Variants in LY86 observed in about 807,000 individuals in gnomAD.
LY86 encodes the protein MD-1, RP105-associated.
LY86 carries 20 observed loss-of-function variants against 17.3 expected under a neutral mutation model. The observed-to-expected ratio is 1.15, with a 90% confidence interval of 0.81 to 1.68. The LOEUF (loss-of-function observed/expected upper bound fraction) is 1.68. Ranked by LOEUF, LY86 falls within the 40% of genes most tolerant of loss-of-function variation. The pLI, the probability that LY86 is intolerant of heterozygous loss-of-function variation, is 0.00. For synonymous variants in LY86, 74 were observed against 70.6 expected, an observed-to-expected ratio of 1.05 and a Z score of -0.24; for missense variants, 200 against 191.9, an observed-to-expected ratio of 1.04 and a Z score of -0.25.
At chr6:6,608,458 T>C (rs1435594883) in intron 1 of LY86, among the ~76,000 whole-genome samples, 1 of 152,258 alleles carries the variant, frequency 6.6e-6, no homozygotes, top group Non-Finnish European at 1.5e-5. Flanking sequence ...TTTAGGTTGT[T>C]TCCACTTTTT....
chr6:6,600,843 G>A (rs1760885766), intron 1 of LY86, among the ~76,000 whole-genome samples: 1 of 152,146 alleles, frequency 6.6e-6, no homozygotes. Context: ...GAAGCATGAG[G>A]AGCCTCAAGT....
At chr6:6,605,974 G>C (rs1427397744) in intron 1 of LY86, among the ~76,000 whole-genome samples, 1 of 152,188 alleles carries the variant, frequency 6.6e-6, no homozygotes, top group Admixed American at 6.5e-5. Context: ...GACCCAAAGA[G>C]CGACCACCAG....
intron 1 of LY86, among the ~76,000 whole-genome samples, chr6:6,603,353 A>G (rs1760973487): frequency 1.1e-5 from 1 of 88,604 alleles, no homozygotes; most frequent in African/African-American, 4.5e-5. Flanking sequence ...GGCAAAAGAG[A>G]AACCAAGACA....
At chr6:6,649,827 A>G (rs1477380928) in intron 4 of LY86, 150 bp downstream of exon 4, 2 of 623,400 alleles carry the variant, frequency 3.2e-6, no homozygotes, top group Non-Finnish European at 5.6e-6. Flanking sequence ...CCCTGCAAAA[A>G]CCCTTTCTTA....
intron 1 of LY86, among the ~76,000 whole-genome samples, chr6:6,611,772 G>T (rs1279284758): frequency 6.6e-6 from 1 of 150,920 alleles, no homozygotes; most frequent in African/African-American, 2.4e-5. Flanking sequence ...CTAGCACAGT[G>T]CCTATCAAAC....
At chr6:6,643,152 T>C (rs959099857) in intron 3 of LY86, among the ~76,000 whole-genome samples, 2 of 152,264 alleles carry the variant, frequency 1.3e-5, no homozygotes, top group African/African-American at 4.8e-5. Context: ...ATGGAAGTTC[T>C]ATTTTTAATT....
chr6:6,633,272 C>T (rs969967186), intron 3 of LY86, among the ~76,000 whole-genome samples: 11 of 151,882 alleles, frequency 7.2e-5, no homozygotes, highest in Admixed American at 6.6e-4. Context: ...TGTGTAGGGC[C>T]GTGGAGACGT....
chr6:6,605,836 G>T (rs1561779698), intron 1 of LY86, among the ~76,000 whole-genome samples: 1 of 152,056 alleles, frequency 6.6e-6, no homozygotes, highest in South Asian at 2.1e-4. Flanking sequence ...CTTTCCCGGT[G>T]AATGTTACAG....
At chr6:6,625,668 A>G (rs1761772505) in intron 2 of LY86, among the ~76,000 whole-genome samples, 1 of 152,246 alleles carries the variant, frequency 6.6e-6, no homozygotes, top group Non-Finnish European at 1.5e-5. Flanking sequence ...AATGGAGGGA[A>G]CATTCATAGA....
intron 1 of LY86, among the ~76,000 whole-genome samples, chr6:6,592,227 C>T (rs1487711940): frequency 1.3e-5 from 2 of 152,140 alleles, no homozygotes; most frequent in Non-Finnish European, 1.5e-5. Context: ...AGGAAGTAAG[C>T]AGTTTTCTGA....
At chr6:6,600,671 T>G (rs1305419144) in intron 1 of LY86, among the ~76,000 whole-genome samples, 2 of 149,876 alleles carry the variant, frequency 1.3e-5, no homozygotes, top group Non-Finnish European at 3.0e-5. Context: ...CCCCAAAGCT[T>G]GAGGCCAGGG....
intron 1 of LY86, among the ~76,000 whole-genome samples, chr6:6,601,070 G>A (rs1351092320): frequency 6.6e-6 from 1 of 152,194 alleles, no homozygotes; most frequent in Non-Finnish European, 1.5e-5. Flanking sequence ...AGCAGCGGCT[G>A]ATCAGAGTAC....
At chr6:6,606,025 G>C (rs537451845) in intron 1 of LY86, among the ~76,000 whole-genome samples, 2 of 152,190 alleles carry the variant, frequency 1.3e-5, no homozygotes, top group South Asian at 2.1e-4. Flanking sequence ...AACTTCCACA[G>C]CACGTAATAC....
At chr6:6,614,775 A>G (rs7748122) in intron 1 of LY86, among the ~76,000 whole-genome samples, 92,149 of 151,914 alleles carry the variant, frequency 0.61, 28,178 homozygotes, top group East Asian at 0.79. Flanking sequence ...GGCTGTTGCA[A>G]GAATCCTACC....
intron 3 of LY86, among the ~76,000 whole-genome samples, chr6:6,644,190 G>A (rs1250794987): frequency 2.0e-5 from 3 of 152,248 alleles, no homozygotes; most frequent in Non-Finnish European, 2.9e-5. Context: ...TCAGCAGGCT[G>A]CATCTGCGCT....
intron 3 of LY86, among the ~76,000 whole-genome samples, chr6:6,636,879 T>C (rs1761966352): frequency 7.7e-6 from 1 of 129,724 alleles, no homozygotes; most frequent in Admixed American, 8.5e-5. Context: ...GCCGAACTCC[T>C]ACCCTCGAAC....
At chr6:6,638,050 T>C (rs536026369) in intron 3 of LY86, among the ~76,000 whole-genome samples, 14 of 152,332 alleles carry the variant, frequency 9.2e-5, no homozygotes, top group African/African-American at 2.6e-4. Flanking sequence ...AGAATGCCAC[T>C]GAAAAAGTCA....
chr6:6,647,761 T>C (rs1762125767), intron 3 of LY86, among the ~76,000 whole-genome samples: 1 of 152,218 alleles, frequency 6.6e-6, no homozygotes, highest in Admixed American at 6.5e-5. Context: ...CAGGAGGTCC[T>C]GTCCTCTCCT....
chr6:6,592,309 C>G (rs1760554851), intron 1 of LY86, among the ~76,000 whole-genome samples: 1 of 152,148 alleles, frequency 6.6e-6, no homozygotes, highest in East Asian at 1.9e-4. Flanking sequence ...TTTACTAAAG[C>G]AAAAGGAGGA....
Sources: allele counts gnomAD v4.1 joint callset (sites outside exome capture counted in the v4.1 genomes callset), GRCh38; gene constraint gnomAD v4.1.1; transcripts MANE v1.5; gene names NCBI Gene and HGNC (gene_info 2026-07-23, HGNC 2026-07-21).